The following MMD2 variants were observed in gnomAD, a reference collection of about 807,000 sequenced individuals.
The protein encoded by MMD2 is monocyte to macrophage differentiation associated 2, also known as monocyte to macrophage differentiation factor 2.
MMD2 carries 30 observed loss-of-function variants against 33.5 expected under a neutral mutation model. That is an observed-to-expected ratio of 0.90 (90% confidence interval 0.67 to 1.22). The LOEUF is 1.22. Ranked by LOEUF, MMD2 falls within the 50% of genes most tolerant of loss-of-function variation. The pLI, the probability that MMD2 is intolerant of heterozygous loss-of-function variation, is 0.00. For missense variants in MMD2, 364 were observed against 325.4 expected (o/e 1.12, Z -0.91); for synonymous variants, 129 against 123.0 (o/e 1.05, Z -0.32).
chr7:4,939,210 A>C (rs1370819894), intron 1 of MMD2, among the ~76,000 whole-genome samples: 1 of 151,370 alleles, frequency 6.6e-6, no homozygotes, highest in Non-Finnish European at 1.5e-5. Flanking sequence ...TCAAAAAAAA[A>C]CCCAAAAAAA....
rs904188592 is a variant in MMD2, at chr7:4,940,838, G to A, written c.48-15306C>T. On this transcript the variant is annotated intron_variant, in intron 1 of 6. Coordinates refer to ENST00000401401, the MANE Select transcript of MMD2 (RefSeq NM_198403.4). This position sits in a 1 kb window ranked among gnomAD's most constrained non-coding sequence, Gnocchi z 5.0. ...GAGACAGCACTCAGGTGCACTGTGC[G>A]TGGCATCCCATGTGAACGGCCCCCT... is the stretch of plus-strand genomic sequence containing the variant. 3.3e-5 allele frequency among the ~76,000 whole-genome samples: 5 copies of A among 152,178 alleles called. No individual in the cohort carries two copies. The highest frequency in any genetic ancestry group is 1.2e-4 in the African/African-American group (5 of 41,448).
At chr7:4,931,718 C>T (rs1562486918) in intron 1 of MMD2, among the ~76,000 whole-genome samples, 1 of 152,084 alleles carries the variant, frequency 6.6e-6, no homozygotes, top group South Asian at 2.1e-4. Flanking sequence ...GTACATGCCA[C>T]CACACCCAGC....
rs759684688 is a variant in MMD2 at position 4,916,063 on chromosome 7, G to C, written c.307C>G (p.Leu103Val). The C allele has an allele frequency of 6.2e-7, 1 of 1,613,668 alleles. No individual in the cohort carries two copies. Among genetic ancestry groups the C allele is most frequent in the Non-Finnish European group, 8.5e-7 (1 of 1,179,856 alleles). Residue 103 changes from leucine (L) to valine (V), a missense_variant, in exon 4 of 7, where the codon CTA (leucine) becomes GTA (valine). By Grantham distance (32) the Leu-to-Val change is conservative (BLOSUM62 1). Transcript: ENST00000401401. ...ATGACCATCCGGTCGAACATGTGTA[G>C]ACAGTGTTCCACCATCCTAGGGCGG... ...KSHLRMVEHC[L>V]HMFDRMVIYF...
intron 2 of MMD2, among the ~76,000 whole-genome samples, chr7:4,923,405 A>C (rs1259208086): frequency 6.6e-6 from 1 of 152,006 alleles, no homozygotes. Flanking sequence ...CATCCGGCCA[A>C]TTCAGCACCT....
the MMD2 span, among the ~76,000 whole-genome samples, chr7:4,898,323 C>A: frequency 2.0e-5 from 3 of 152,314 alleles, no homozygotes; most frequent in African/African-American, 7.2e-5. Flanking sequence ...TGAGCCCTGC[C>A]AATTGCAGCA....
At chr7:4,894,215 C>T in the MMD2 span, among the ~76,000 whole-genome samples, 1 of 152,186 alleles carries the variant, frequency 6.6e-6, no homozygotes, top group African/African-American at 2.4e-5. This position sits in a 1 kb window ranked among gnomAD's most constrained non-coding sequence, Gnocchi z 4.3. Flanking sequence ...CTGGCTCTTT[C>T]TTTCTCTTGA....
intron 1 of MMD2, among the ~76,000 whole-genome samples, chr7:4,926,592 C>T (rs1012542324): frequency 1.3e-5 from 2 of 152,066 alleles, no homozygotes; most frequent in Non-Finnish European, 2.9e-5. Context: ...CACCCTCTGC[C>T]GTTGTCTTCT....
At chr7:4,934,815 T>C (rs1583385336) in intron 1 of MMD2, among the ~76,000 whole-genome samples, 1 of 152,292 alleles carries the variant, frequency 6.6e-6, no homozygotes, top group East Asian at 1.9e-4. Flanking sequence ...CTAGGGAAAA[T>C]TGCTTAACGT....
At chr7:4,939,615 A>G (rs1000828769) in intron 1 of MMD2, among the ~76,000 whole-genome samples, 10 of 152,196 alleles carry the variant, frequency 6.6e-5, no homozygotes, top group African/African-American at 1.9e-4. Flanking sequence ...TATTCACACA[A>G]TGGAACACTA....
chr7:4,952,654 A>C (rs1373526202), intron 1 of MMD2, among the ~76,000 whole-genome samples: 3 of 148,978 alleles, frequency 2.0e-5, no homozygotes, highest in Non-Finnish European at 1.5e-5. Flanking sequence ...TGTGAACTGC[A>C]CATGTGGGGA....
At chr7:4,925,422 A>T in intron 2 of MMD2, 29 bp downstream of exon 2, 1 of 1,462,840 alleles carries the variant, frequency 6.8e-7, no homozygotes, top group South Asian at 1.4e-5. Context: ...TCCCCATCTC[A>T]GCCCTGAGCC....
chr7:4,948,619 G>A (rs2115156258), intron 1 of MMD2, among the ~76,000 whole-genome samples: 1 of 152,178 alleles, frequency 6.6e-6, no homozygotes, highest in African/African-American at 2.4e-5. Context: ...ACAAGGTCAT[G>A]AGGGTGGAGC....
intron 1 of MMD2, among the ~76,000 whole-genome samples, chr7:4,928,216 C>A (rs371645802): frequency 6.6e-6 from 1 of 152,142 alleles, no homozygotes; most frequent in African/African-American, 2.4e-5. Flanking sequence ...TTGTAGACTG[C>A]CCCCCAAACA....
Position 4,946,697 on chromosome 7 carries a change from A to C in MMD2, c.47+12274T>G, listed in dbSNP as rs981827318. On this transcript the variant is annotated intron_variant, in intron 1 of 6. Coordinates refer to ENST00000401401, the MANE Select transcript of MMD2 (RefSeq NM_198403.4). The surrounding 1 kb of genome is among the most constrained non-coding windows in gnomAD (Gnocchi z 5.0). ...CTACCAGATATCTCCCAGTAAGATG[A>C]AGTACACCATATGGCCTATAATCCT... Among the ~76,000 whole-genome samples the C allele has an allele frequency of 2.0e-5, 3 of 152,110 alleles. No individual in the cohort carries two copies. Among genetic ancestry groups the C allele is most frequent in the African/African-American group, 7.2e-5 (3 of 41,410 alleles).
chr7:4,942,372 T>C (rs961933007), intron 1 of MMD2, among the ~76,000 whole-genome samples: 2 of 152,186 alleles, frequency 1.3e-5, no homozygotes, highest in African/African-American at 4.8e-5. Flanking sequence ...AGTGCTGGGA[T>C]TACAGGTGTG....
At chr7:4,915,285 A>T (rs1233487711) in intron 4 of MMD2, among the ~76,000 whole-genome samples, 3 of 151,774 alleles carry the variant, frequency 2.0e-5, no homozygotes, top group African/African-American at 7.2e-5. Flanking sequence ...AAAAAAAATT[A>T]AAAATTTAAA....
chr7:4,931,555 G>A lies in MMD2; in HGVS notation c.48-6023C>T, dbSNP rs757383679. On this transcript the variant is annotated intron_variant, in intron 1 of 6. Coordinates refer to ENST00000401401, the MANE Select transcript of MMD2 (RefSeq NM_198403.4). ...GCAAGCTTGAACTCCTGGGCTCCAC[G>A]GATCCTCCCTCTTCAGGTGCACTCC... is the stretch of plus-strand genomic sequence containing the variant. Among the ~76,000 whole-genome samples, 84 of 151,816 alleles carry A rather than the reference G, an allele frequency of 5.5e-4. 1 individual carries two copies. The highest frequency in any genetic ancestry group is 1.8e-3 in the African/African-American group (73 of 41,414).
chr7:4,951,064 G>A (rs919644443), intron 1 of MMD2, among the ~76,000 whole-genome samples: 17 of 152,002 alleles, frequency 1.1e-4, no homozygotes, highest in African/African-American at 3.9e-4. Context: ...TGAAGGGTTT[G>A]TAGGTCTAGG....
chr7:4,927,519 C>T (rs905807037), intron 1 of MMD2, among the ~76,000 whole-genome samples: 1 of 151,662 alleles, frequency 6.6e-6, no homozygotes, highest in Non-Finnish European at 1.5e-5. Flanking sequence ...CCAACCTGGG[C>T]GACAGAGTGA....
Sources: allele counts gnomAD v4.1 joint callset (sites outside exome capture counted in the v4.1 genomes callset), GRCh38; gene constraint gnomAD v4.1.1; non-coding constraint Gnocchi (gnomAD v3.1); transcripts MANE v1.5; gene names NCBI Gene and HGNC (gene_info 2026-07-23, HGNC 2026-07-21).